MARK3: variants seen among roughly 807,000 people sequenced by gnomAD.
The protein encoded by MARK3 is microtubule affinity regulating kinase 3, also known as MAP/microtubule affinity-regulating kinase 3.
In MARK3, 46 loss-of-function variants were observed where a neutral mutation model predicts 90.1. That is an observed-to-expected ratio of 0.51 (90% CI 0.40 to 0.65). MARK3 has a LOEUF of 0.65. Among genes scored for constraint, MARK3 ranks in the 30% least tolerant of loss-of-function variants. MARK3 has a pLI of 0.00. For missense variants in MARK3, 818 were observed against 947.2 expected, an observed-to-expected ratio of 0.86 and a Z score of 1.79; for synonymous variants, 321 against 332.6, an observed-to-expected ratio of 0.97 and a Z score of 0.38.
chr14:103,405,010 C>T, intron 1 of MARK3, 66 bp from the exon 2 acceptor site: 2 of 1,251,072 alleles, frequency 1.6e-6, no homozygotes, highest in Admixed American at 4.7e-5. Flanking sequence ...CAATTAGAAG[C>T]TCTTAGAACT....
intron 3 of MARK3, among the ~76,000 whole-genome samples, chr14:103,439,310 T>C (rs934689706): frequency 4.6e-5 from 7 of 152,314 alleles, no homozygotes; most frequent in African/African-American, 1.7e-4. Flanking sequence ...AAGGATTTTG[T>C]GTTATTATTT....
intron 6 of MARK3, among the ~76,000 whole-genome samples, chr14:103,460,208 C>G (rs1252231976): frequency 6.7e-6 from 1 of 149,998 alleles, no homozygotes; most frequent in East Asian, 2.0e-4. Context: ...GCCTCAGCCT[C>G]CCAAGTAGCT....
At chr14:103,456,388 A>G (rs1275725737) in intron 5 of MARK3, among the ~76,000 whole-genome samples, 2 of 151,846 alleles carry the variant, frequency 1.3e-5, no homozygotes, top group African/African-American at 4.8e-5. Flanking sequence ...GGCCTACAGG[A>G]CTCTTCCTAG....
intron 9 of MARK3, 98 bp downstream of exon 9, chr14:103,466,189 G>A (rs1322257748): frequency 1.4e-5 from 21 of 1,450,104 alleles, no homozygotes; most frequent in South Asian, 1.0e-4. Context: ...TATATCCTGC[G>A]GCTTTTTAAG....
At chr14:103,425,249 ATTAT>A (rs71460674) in intron 2 of MARK3, among the ~76,000 whole-genome samples, 47,972 of 146,532 alleles carry the variant, frequency 0.33, 8,103 homozygotes, top group South Asian at 0.48. Flanking sequence ...CTATTTATTT[ATTAT>A]TTATTTATTT....
At chr14:103,495,382 A>C (rs1026123137) in intron 15 of MARK3, among the ~76,000 whole-genome samples, 3 of 151,928 alleles carry the variant, frequency 2.0e-5, no homozygotes, top group Non-Finnish European at 4.4e-5. Flanking sequence ...TGGAAGGGTG[A>C]GGCAAGAGGA....
rs145543341 is a variant in MARK3, at chr14:103,481,198, G to C, written c.1586+708G>C. Among the ~76,000 whole-genome samples, 892 of 152,298 alleles carry C rather than the reference G, an allele frequency of 5.9e-3. 6 individuals are homozygous for C. The highest frequency in any genetic ancestry group is 6.0e-3 in the Non-Finnish European group (405 of 68,034). ...GAGGTGGGGTTAGTCTGGGTGGAGA[G>C]AAAAGAGAAGTTAGATTGGTAGAGA... On this transcript the variant is annotated intron_variant, in intron 14 of 17. Transcript: ENST00000429436.
At chr14:103,403,197 T>G (rs2091067613) in intron 1 of MARK3, among the ~76,000 whole-genome samples, 1 of 152,090 alleles carries the variant, frequency 6.6e-6, no homozygotes, top group Non-Finnish European at 1.5e-5. Flanking sequence ...TAACAAAAAT[T>G]TTGGCCAGTA....
chr14:103,467,103 C>A lies in MARK3; in HGVS notation c.1022C>A (p.Ser341Ter). Residue 341 changes from serine to a stop codon, truncating the protein, a stop_gained, in exon 11 of 18, where the codon TCA becomes TAA. Coordinates refer to ENST00000429436, the MANE Select transcript of MARK3 (RefSeq NM_001128918.3). LOFTEE classifies it high-confidence loss of function. ...RIDIMVGMGY[S>*]QEEIQESLSK... ...GATATTATGGTGGGAATGGGATATT[C>A]ACAAGAAGAAATTCAAGAATCTCTT... The A allele has an allele frequency of 6.3e-7, 1 of 1,575,808 alleles. No individual in the cohort carries two copies. Among genetic ancestry groups the A allele is most frequent in the Non-Finnish European group, 8.7e-7 (1 of 1,148,734 alleles).
At chr14:103,413,424 G>T (rs2091773833) in intron 2 of MARK3, among the ~76,000 whole-genome samples, 1 of 132,458 alleles carries the variant, frequency 7.5e-6, no homozygotes, top group African/African-American at 2.8e-5. Context: ...TTTTTTAATA[G>T]CATGCTTTTT....
At chr14:103,501,759 C>T (rs2075680611) in intron 17 of MARK3, among the ~76,000 whole-genome samples, 1 of 152,164 alleles carries the variant, frequency 6.6e-6, no homozygotes, top group African/African-American at 2.4e-5. Context: ...TTACAGTCTT[C>T]CTGGCTCCAG....
chr14:103,420,699 A>G (rs974674479), intron 2 of MARK3, among the ~76,000 whole-genome samples: 1 of 152,122 alleles, frequency 6.6e-6, no homozygotes, highest in African/African-American at 2.4e-5. Flanking sequence ...TGTGGTTTCT[A>G]TATTTGCAAA....
intron 2 of MARK3, among the ~76,000 whole-genome samples, chr14:103,421,656 A>G (rs920993794): frequency 3.3e-5 from 5 of 152,138 alleles, no homozygotes; most frequent in Non-Finnish European, 7.3e-5. Flanking sequence ...AGCATATTCT[A>G]GGGTTGTCTT....
chr14:103,448,785 G>A, intron 3 of MARK3, 134 bp from the exon 4 acceptor site: 1 of 847,098 alleles, frequency 1.2e-6, no homozygotes, highest in African/African-American at 1.7e-5. Flanking sequence ...ATTAGTCTTA[G>A]ATATGGATTA....
intron 14 of MARK3, among the ~76,000 whole-genome samples, chr14:103,483,460 C>G (rs1395831257): frequency 6.6e-6 from 1 of 152,132 alleles, no homozygotes; most frequent in African/African-American, 2.4e-5. Flanking sequence ...CTACTGTAAA[C>G]AGGATATTTT....
At position 103,483,129 on chromosome 14, in the gene MARK3, G is replaced by A. The variant is rs549472354; in HGVS notation, c.1586+2639G>A. Reference sequence around the variant, plus strand: ...TTGAGTCTTCAGTGAGATACAATTAGCTTTCCCTGCACAGATGACTTCTTC... The same window carrying A: ...TTGAGTCTTCAGTGAGATACAATTAACTTTCCCTGCACAGATGACTTCTTC... On this transcript the variant is annotated intron_variant, in intron 14 of 17. Coordinates refer to ENST00000429436, the MANE Select transcript of MARK3 (RefSeq NM_001128918.3). 1.8e-4 allele frequency among the ~76,000 whole-genome samples: 28 copies of A among 152,260 alleles called. No individual in the cohort carries two copies. In the South Asian group the frequency reaches 5.8e-3, roughly 32 times the overall value.
chr14:103,449,652 A>G (rs1338024021), intron 4 of MARK3, among the ~76,000 whole-genome samples: 1 of 152,196 alleles, frequency 6.6e-6, no homozygotes, highest in Non-Finnish European at 1.5e-5. Context: ...AAGATGAGGA[A>G]GGAGCGACAT....
intron 12 of MARK3, among the ~76,000 whole-genome samples, chr14:103,472,436 G>A (rs1254216642): frequency 6.6e-6 from 1 of 151,886 alleles, no homozygotes; most frequent in Non-Finnish European, 1.5e-5. Context: ...GAGGTCAGGA[G>A]ATCGAGAACA....
At chr14:103,423,071 T>C (rs1230611752) in intron 2 of MARK3, among the ~76,000 whole-genome samples, 1 of 151,966 alleles carries the variant, frequency 6.6e-6, no homozygotes, top group Non-Finnish European at 1.5e-5. Flanking sequence ...AGGAAGAAGG[T>C]CCCCTCCAGA....
Sources: allele counts gnomAD v4.1 joint callset (sites outside exome capture counted in the v4.1 genomes callset), GRCh38; gene constraint gnomAD v4.1.1; transcripts MANE v1.5; gene names NCBI Gene and HGNC (gene_info 2026-07-23, HGNC 2026-07-21).